The following GNG10 variants were observed in gnomAD, a reference collection of about 807,000 sequenced individuals.
GNG10 encodes the protein guanine nucleotide-binding protein G(I)/G(S)/G(O) subunit gamma-10.
A neutral mutation model predicts 6.8 loss-of-function variants in GNG10; 7 were observed. The observed-to-expected ratio is 1.02, with a 90% CI of 0.58 to 1.92. The LOEUF (loss-of-function observed/expected upper bound fraction) is 1.92. Ranked by LOEUF, GNG10 falls within the 30% of genes most tolerant of loss-of-function variation. The pLI, the probability that GNG10 is intolerant of heterozygous loss-of-function variation, is 0.00. For synonymous variants in GNG10, 28 were observed against 34.8 expected, an observed-to-expected ratio of 0.80 and a Z score of 0.69; for missense variants, 57 against 86.1, an observed-to-expected ratio of 0.66 and a Z score of 1.34.
At chr9:111,665,832 T>C (rs1421360506) in intron 1 of GNG10, among the ~76,000 whole-genome samples, 1 of 151,934 alleles carries the variant, frequency 6.6e-6, no homozygotes, top group Non-Finnish European at 1.5e-5. Context: ...GTTCAAGCGA[T>C]TCTCCTGCCT....
At position 111,670,167 on chromosome 9, in the gene GNG10, C is replaced by T. The variant is rs1830975509; in HGVS notation, c.*905C>T. 1 of 152,570 alleles carries T rather than the reference C, an allele frequency of 6.6e-6. No individual in the cohort carries two copies. Among genetic ancestry groups the T allele is most frequent in the South Asian group, 2.1e-4 (1 of 4,828 alleles). 9.5% of individuals were successfully genotyped at this position (152,570 alleles called of 1,614,324 possible). A position where few individuals can be genotyped will look rare whatever the true frequency, so the allele number is the denominator to read the frequency against. ...TTTGGGACACTTTTTTAGAAGGATA[C>T]ATTATTCGTGTTTGCAACGGTCTTT... is the stretch of plus-strand genomic sequence containing the variant. On this transcript the variant is annotated 3_prime_UTR_variant, in exon 3 of 3. Coordinates refer to ENST00000374293, the MANE Select transcript of GNG10 (RefSeq NM_001017998.4).
intron 1 of GNG10, among the ~76,000 whole-genome samples, chr9:111,662,955 CAA>C (rs778795230): frequency 1.3e-5 from 2 of 150,876 alleles, no homozygotes; most frequent in Non-Finnish European, 2.9e-5. Context: ...GAGGAAGTAA[CAA>C]ATTATATTTT....
chr9:111,661,669 G>A lies in GNG10; in HGVS notation c.35G>A (p.Arg12His). Reference protein sequence around the residue: ...SSGASASALQRLVEQLKLEAG... With the variant: ...SSGASASALQHLVEQLKLEAG... ...GGGGCTAGCGCGAGCGCCCTGCAGC[G>A]CTTGGTAGAGCAGCTCAAGTTGGAG... The change falls in exon 1 of 3, where the codon CGC becomes CAC. Residue 12 changes from arginine (R) to histidine (H), a missense_variant. Transcript: ENST00000374293. The surrounding 1 kb of genome is among the most constrained non-coding windows in gnomAD (Gnocchi z 6.1). 7.2e-7 allele frequency: 1 copy of A among 1,383,160 alleles called. No homozygotes were observed. Among genetic ancestry groups the A allele is most frequent in the Non-Finnish European group, 9.5e-7 (1 of 1,048,454 alleles). The allele number at this position is 1,383,160 out of a possible 1,614,324, so 85.7% of individuals were successfully genotyped here. A position where few individuals can be genotyped will look rare whatever the true frequency, so the allele number is the denominator to read the frequency against.
intron 1 of GNG10, among the ~76,000 whole-genome samples, chr9:111,663,887 C>A (rs1235003881): frequency 6.6e-6 from 1 of 150,696 alleles, no homozygotes; most frequent in African/African-American, 2.4e-5. Flanking sequence ...ATGGCATGAT[C>A]TCAGCTCACT....
rs543080572 is a variant in GNG10 at position 111,665,933 on chromosome 9, A to G, written c.82-882A>G. Reference sequence around the variant, plus strand: ...TTTTTTTTAGTAGAGACAGGGTTTCACCATGTTGGTCAGGCTGGTCTCGAA... The same window carrying G: ...TTTTTTTTAGTAGAGACAGGGTTTCGCCATGTTGGTCAGGCTGGTCTCGAA... On this transcript the variant is annotated intron_variant, in intron 1 of 2. Transcript: ENST00000374293. Among the ~76,000 whole-genome samples, 28 of 132,592 alleles carry G rather than the reference A, an allele frequency of 2.1e-4. 1 individual carries two copies. The South Asian group carries it at 6.5e-3, about 31-fold the overall frequency. 87.0% of individuals were successfully genotyped at this position (132,592 alleles called of 152,430 possible). A position where few individuals can be genotyped will look rare whatever the true frequency, so the allele number is the denominator to read the frequency against.
At position 111,666,841 on chromosome 9, in the gene GNG10, A is replaced by G. The variant is rs750083153; in HGVS notation, c.108A>G (p.Gln36=). The change falls in exon 2 of 3, where the codon CAA becomes CAG. Residue 36 remains glutamine, a synonymous_variant. Coordinates refer to ENST00000374293, the MANE Select transcript of GNG10 (RefSeq NM_001017998.4). The stretch of plus-strand genomic sequence containing the variant: ...TCTCTCAGGCAGCTGCAGAGCTTCA[A>G]CAGTACTGTATGCAGAATGCCTGCA... ...IKVSQAAAEL[Q]QYCMQNACKD... The G allele has an allele frequency of 7.3e-5, 117 of 1,613,238 alleles. 1 individual carries two copies. The Admixed American group carries it at 1.8e-3, about 24-fold the overall frequency.
intron 1 of GNG10, among the ~76,000 whole-genome samples, chr9:111,663,964 G>A (rs1009744273): frequency 6.6e-6 from 1 of 151,330 alleles, no homozygotes; most frequent in African/African-American, 2.4e-5. Context: ...GGGATTACGG[G>A]CACCTGCCAC....
chr9:111,662,634 C>A (rs1428619699), intron 1 of GNG10, among the ~76,000 whole-genome samples: 1 of 152,192 alleles, frequency 6.6e-6, no homozygotes, highest in Non-Finnish European at 1.5e-5. Context: ...AGTCCCTGTG[C>A]CTCAGTTTCT....
intron 2 of GNG10, among the ~76,000 whole-genome samples, chr9:111,668,337 G>T (rs10124009): frequency 0.43 from 65,552 of 151,838 alleles, 15,726 homozygotes; most frequent in African/African-American, 0.65. Context: ...AAATCTTATT[G>T]TACTTTTTAA....
intron 1 of GNG10, among the ~76,000 whole-genome samples, chr9:111,665,007 T>C (rs1397689605): frequency 6.6e-6 from 1 of 152,240 alleles, no homozygotes; most frequent in Non-Finnish European, 1.5e-5. Flanking sequence ...TATTATATTA[T>C]GGTTTTATAT....
At chr9:111,662,311 T>C (rs1830835568) in intron 1 of GNG10, among the ~76,000 whole-genome samples, 1 of 151,888 alleles carries the variant, frequency 6.6e-6, no homozygotes, top group Non-Finnish European at 1.5e-5. Context: ...TTCAAGTGCA[T>C]TGGGGCGAAA....
Position 111,670,085 on chromosome 9 carries a change from C to A in GNG10, c.*823C>A, listed in dbSNP as rs1282916100. ...AAAACTAACATGAAAATATTACAAC[C>A]TAAAAGAATTCTTAACTTCACAAGT... On this transcript the variant is annotated 3_prime_UTR_variant, in exon 3 of 3. Coordinates refer to ENST00000374293, the MANE Select transcript of GNG10 (RefSeq NM_001017998.4). 6.6e-6 allele frequency: 1 copy of A among 152,476 alleles called. No homozygotes were observed. The highest frequency in any genetic ancestry group is 1.5e-5 in the Non-Finnish European group (1 of 68,000). 9.4% of individuals were successfully genotyped at this position (152,476 alleles called of 1,614,324 possible). A position where few individuals can be genotyped will look rare whatever the true frequency, so the allele number is the denominator to read the frequency against.
At chr9:111,667,044 G>C in intron 2 of GNG10, 98 bp downstream of exon 2, 1 of 1,509,418 alleles carries the variant, frequency 6.6e-7, no homozygotes, top group Non-Finnish European at 8.9e-7. Flanking sequence ...TCCTATTCTT[G>C]GGGAAATTAA....
intron 1 of GNG10, among the ~76,000 whole-genome samples, chr9:111,662,047 T>C (rs570188833): frequency 4.8e-4 from 73 of 151,248 alleles, no homozygotes; most frequent in Non-Finnish European, 1.0e-3. Flanking sequence ...GACCCAGGGC[T>C]GGGGAGGCCA....
intron 1 of GNG10, among the ~76,000 whole-genome samples, chr9:111,665,998 G>A (rs1355603322): frequency 6.6e-6 from 1 of 150,552 alleles, no homozygotes; most frequent in Non-Finnish European, 1.5e-5. Flanking sequence ...GGCTCCCAAA[G>A]TGCTGGGATT....
chr9:111,662,042 AG>A (rs143370914), intron 1 of GNG10, among the ~76,000 whole-genome samples: 2 of 152,038 alleles, frequency 1.3e-5, no homozygotes, highest in Non-Finnish European at 2.9e-5. Context: ...GGGTGGACCC[AG>A]GGCTGGGGAG....
At position 111,670,106 on chromosome 9, in the gene GNG10, C is replaced by G. The variant is rs889487740; in HGVS notation, c.*844C>G. On this transcript the variant is annotated 3_prime_UTR_variant, in exon 3 of 3. Transcript: ENST00000374293. Reference sequence around the variant, plus strand: ...CAACCTAAAAGAATTCTTAACTTCACAAGTGTTTTACTTCGACGATGTGCC... The same window carrying G: ...CAACCTAAAAGAATTCTTAACTTCAGAAGTGTTTTACTTCGACGATGTGCC... The G allele has an allele frequency of 6.6e-6, 1 of 152,632 alleles. No homozygotes were observed. The highest frequency in any genetic ancestry group is 2.4e-5 in the African/African-American group (1 of 41,452). The allele number at this position is 152,632 out of a possible 1,614,324, so 9.5% of individuals were successfully genotyped here. A position where few individuals can be genotyped will look rare whatever the true frequency, so the allele number is the denominator to read the frequency against.
At chr9:111,668,609 C>T (rs190930959) in intron 2 of GNG10, among the ~76,000 whole-genome samples, 3 of 152,104 alleles carry the variant, frequency 2.0e-5, no homozygotes, top group East Asian at 1.9e-4. Context: ...CTCAGTCTCC[C>T]GAGTAGGTGG....
intron 1 of GNG10, among the ~76,000 whole-genome samples, chr9:111,663,407 T>G (rs911390218): frequency 6.6e-6 from 1 of 150,840 alleles, no homozygotes; most frequent in Non-Finnish European, 1.5e-5. Flanking sequence ...GGGCAAGGCG[T>G]GTGAAGGTCT....
Sources: gnomAD v4.1 joint callset for allele counts (sites outside exome capture counted in the v4.1 genomes callset) on GRCh38, gnomAD v4.1.1 for gene constraint, Gnocchi (gnomAD v3.1) non-coding constraint, MANE v1.5 for transcripts, NCBI Gene and HGNC (gene_info 2026-07-23, HGNC 2026-07-21) for gene names.